The following CES5A variants were observed in gnomAD, a reference collection of about 807,000 sequenced individuals.
The protein encoded by CES5A is carboxylesterase 5.
Under a neutral mutation model 62.9 loss-of-function variants are expected in CES5A, and 67 were observed. That is an observed-to-expected ratio of 1.07 (90% CI 0.88 to 1.31). The LOEUF is 1.31. CES5A is among the 50% of genes most tolerant of loss of function. The pLI is 0.00. For missense variants in CES5A, 748 were observed against 708.5 expected (o/e 1.06, Z -0.63); for synonymous variants, 296 against 280.8 (o/e 1.05, Z -0.54).
chr16:55,856,218 G>A (rs2033239163), intron 9 of CES5A, among the ~76,000 whole-genome samples, 159 bp downstream of exon 9: 1 of 152,330 alleles, frequency 6.6e-6, no homozygotes, highest in South Asian at 2.1e-4. Flanking sequence ...TAATAGCAGT[G>A]CAAGAGTGGA....
chr16:55,953,112 T>C (rs1489409927), intron 1 of CES5A, among the ~76,000 whole-genome samples: 2 of 152,154 alleles, frequency 1.3e-5, no homozygotes, highest in East Asian at 1.9e-4. Flanking sequence ...AGTAAAATCA[T>C]CTCAATAGAT....
At chr16:55,878,878 C>T (rs2033728920), upstream of CES5A, among the ~76,000 whole-genome samples, 1 of 148,092 alleles carries the variant, frequency 6.8e-6, no homozygotes, top group African/African-American at 2.5e-5. Context: ...CACCACTGCA[C>T]CCCCACCATT....
chr16:55,890,333 T>G (rs2033863880), intron 1 of CES5A, among the ~76,000 whole-genome samples: 1 of 151,858 alleles, frequency 6.6e-6, no homozygotes, highest in African/African-American at 2.4e-5. Context: ...TATTCAGACA[T>G]GATTGAGGGA....
chr16:55,861,390 A>C, intron 7 of CES5A, 22 bp downstream of exon 7: 1 of 1,475,888 alleles, frequency 6.8e-7, no homozygotes, highest in Non-Finnish European at 9.5e-7. Flanking sequence ...CCTGCCCCCA[A>C]AACTGCCCCC....
At chr16:55,928,014 C>A (rs886195788), upstream of CES5A, among the ~76,000 whole-genome samples, 2 of 152,118 alleles carry the variant, frequency 1.3e-5, no homozygotes, top group African/African-American at 2.4e-5. Flanking sequence ...GAGGCCGAGG[C>A]GGATGGATGA....
chr16:55,867,869 C>A (rs1372633599), intron 4 of CES5A, among the ~76,000 whole-genome samples: 1 of 152,168 alleles, frequency 6.6e-6, no homozygotes, highest in Non-Finnish European at 1.5e-5. Context: ...GTCATATTCA[C>A]GTTATATACA....
intron 6 of CES5A, 29 bp downstream of exon 6, chr16:55,863,319 A>C: frequency 9.0e-7 from 1 of 1,110,624 alleles, no homozygotes; most frequent in Non-Finnish European, 1.4e-6. Flanking sequence ...GAGGAGAGGA[A>C]GGTGGCAAGG....
chr16:55,897,791 C>T (rs1329305479), intron 1 of CES5A, among the ~76,000 whole-genome samples: 1 of 152,148 alleles, frequency 6.6e-6, no homozygotes, highest in African/African-American at 2.4e-5. Context: ...TAGTAAAAAA[C>T]TGGAGCCAAC....
At chr16:55,880,270 G>A (rs1488963708), upstream of CES5A, among the ~76,000 whole-genome samples, 1 of 152,172 alleles carries the variant, frequency 6.6e-6, no homozygotes, top group African/African-American at 2.4e-5. Context: ...GGGCAGAAAT[G>A]TCCCTTCTGT....
chr16:55,891,170 G>T (rs140845100), intron 1 of CES5A, among the ~76,000 whole-genome samples: 180 of 152,134 alleles, frequency 1.2e-3, no homozygotes, highest in African/African-American at 4.2e-3. Context: ...ATCAGAAATG[G>T]TTTAGCCTGT....
At chr16:55,893,681 G>A (rs2142435155) in intron 1 of CES5A, among the ~76,000 whole-genome samples, 1 of 152,160 alleles carries the variant, frequency 6.6e-6, no homozygotes, top group African/African-American at 2.4e-5. Context: ...TCAATCAGAA[G>A]CACAAAGTGA....
chr16:55,915,443 G>T (rs983344582), intron 1 of CES5A, among the ~76,000 whole-genome samples: 10 of 152,086 alleles, frequency 6.6e-5, no homozygotes, highest in African/African-American at 2.4e-4. Context: ...AAAGAAAGGG[G>T]GAGGACAAGG....
chr16:55,875,176 T>G lies in CES5A; in HGVS notation c.46A>C (p.Ile16Leu). Residue 16 changes from isoleucine to leucine, a missense_variant, in exon 1 of 13, where the codon ATC (isoleucine) becomes CTC (leucine). Ile to Leu is a conservative substitution (Grantham distance 5, BLOSUM62 2). Transcript: ENST00000290567. Reference protein sequence around the residue: ...VHPGQILIWAIWVLAAPTKGP... With the variant: ...VHPGQILIWALWVLAAPTKGP... ...TTGGTGGGGGCTGCAAGGACCCAGA[T>G]AGCCCAAATTAGGATCTGGCCTGGG... is the stretch of plus-strand genomic sequence containing the variant. 1 of 1,614,160 alleles carries G rather than the reference T, an allele frequency of 6.2e-7. No homozygotes were observed. The highest frequency in any genetic ancestry group is 1.1e-5 in the South Asian group (1 of 91,052).
chr16:55,888,517 A>G (rs4784604), intron 1 of CES5A, among the ~76,000 whole-genome samples: 35,204 of 152,152 alleles, frequency 0.23, 5,071 homozygotes, highest in Non-Finnish European at 0.32. Context: ...ATCTCAACTA[A>G]AGACCCTTAC....
upstream of CES5A, chr16:55,875,445 A>T (rs2033678882): frequency 8.9e-7 from 1 of 1,125,930 alleles, no homozygotes; most frequent in African/African-American, 1.6e-5. Context: ...TTAACTATTG[A>T]GCTGGGGAAA....
chr16:55,878,864 A>G (rs561755617), upstream of CES5A, among the ~76,000 whole-genome samples: 63 of 136,094 alleles, frequency 4.6e-4, no homozygotes, highest in Middle Eastern at 5.4e-3. Flanking sequence ...CCATCACTGC[A>G]TCCCACCACT....
chr16:55,934,040 G>C (rs917574806), intron 2 of CES5A, among the ~76,000 whole-genome samples: 1 of 151,998 alleles, frequency 6.6e-6, no homozygotes, highest in African/African-American at 2.4e-5. Context: ...TCTCTGATTT[G>C]CTCACTCATA....
intron 8 of CES5A, 30 bp downstream of exon 8, chr16:55,859,517 A>T (rs1256353842): frequency 6.2e-7 from 1 of 1,603,960 alleles, no homozygotes; most frequent in African/African-American, 1.3e-5. Flanking sequence ...GGTTTGAGGG[A>T]GTGGCAGTAT....
At chr16:55,856,576 G>A (rs2033248279) in intron 8 of CES5A, 131 bp from the exon 9 acceptor site, 1 of 735,328 alleles carries the variant, frequency 1.4e-6, no homozygotes, top group South Asian at 1.6e-5. Flanking sequence ...GCAGCCACAT[G>A]TGGAAGTGGC....
Sources: allele counts gnomAD v4.1 joint callset (sites outside exome capture counted in the v4.1 genomes callset), GRCh38; gene constraint gnomAD v4.1.1; transcripts MANE v1.5; gene names NCBI Gene and HGNC (gene_info 2026-07-23, HGNC 2026-07-21).